The following EHMT1 variants were observed in gnomAD, a reference collection of about 807,000 sequenced individuals.
The protein encoded by EHMT1 is histone-lysine N-methyltransferase EHMT1.
Under a neutral mutation model 147.2 loss-of-function variants are expected in EHMT1, and 15 were observed. The observed-to-expected ratio is 0.10, with a 90% CI of 0.07 to 0.16. EHMT1 has a LOEUF of 0.16. EHMT1 is among the 10% of genes least tolerant of loss of function. The probability of loss-of-function intolerance (pLI) is 1.00; values close to 1 mark genes in which losing one functional copy is unlikely to be tolerated. For missense variants in EHMT1, 1,587 were observed against 1,772.4 expected, an observed-to-expected ratio of 0.90 and a Z score of 1.88; for synonymous variants, 795 against 709.6, an observed-to-expected ratio of 1.12 and a Z score of -1.91.
At chr9:137,754,056 T>G (rs1430218092) in intron 7 of EHMT1, 115 bp from the exon 8 acceptor site, 1 of 1,546,988 alleles carries the variant, frequency 6.5e-7, no homozygotes, top group Non-Finnish European at 8.9e-7. Flanking sequence ...CACCGTTTAA[T>G]TGAAGATCAA....
chr9:137,807,727 C>T (rs531762676), intron 18 of EHMT1, among the ~76,000 whole-genome samples: 26 of 152,188 alleles, frequency 1.7e-4, no homozygotes, highest in African/African-American at 6.0e-4. Context: ...AGGCTGGTCT[C>T]GAACTCCTGA....
chr9:137,652,613 T>TGA, intron 1 of EHMT1, among the ~76,000 whole-genome samples: 1 of 150,724 alleles, frequency 6.6e-6, no homozygotes, highest in East Asian at 2.0e-4. Flanking sequence ...CTTGAACTCC[T>TGA]GACCTCAGGT....
At chr9:137,788,237 G>A in intron 15 of EHMT1, 1 of 506,536 alleles carries the variant, frequency 2.0e-6, no homozygotes, top group Non-Finnish European at 3.4e-6. Flanking sequence ...CCTCCCTGGA[G>A]TCCCCTAGCA....
At chr9:137,781,874 C>T (rs1353881748) in intron 14 of EHMT1, among the ~76,000 whole-genome samples, 1 of 152,222 alleles carries the variant, frequency 6.6e-6, no homozygotes, top group Non-Finnish European at 1.5e-5. Context: ...CCGTTGCTCA[C>T]CGTCCTCTCA....
chr9:137,736,719 C>G (rs1031016872), intron 4 of EHMT1, among the ~76,000 whole-genome samples: 2 of 152,094 alleles, frequency 1.3e-5, no homozygotes, highest in African/African-American at 4.8e-5. Flanking sequence ...GGTGAAACCC[C>G]ATCTCTACTA....
chr9:137,623,337 G>A (rs1019638398), intron 1 of EHMT1, among the ~76,000 whole-genome samples: 2 of 152,134 alleles, frequency 1.3e-5, no homozygotes, highest in Non-Finnish European at 2.9e-5. Flanking sequence ...TCCTGGTGAT[G>A]GAACACACTC....
intron 6 of EHMT1, among the ~76,000 whole-genome samples, chr9:137,744,702 G>A (rs1948402256): frequency 6.6e-6 from 1 of 152,252 alleles, no homozygotes; most frequent in African/African-American, 2.4e-5. Context: ...CTGTGTGCTC[G>A]TTTGTGGTTG....
At chr9:137,640,862 T>G (rs1844434949) in intron 1 of EHMT1, 1 of 152,952 alleles carries the variant, frequency 6.5e-6, no homozygotes, top group Non-Finnish European at 1.5e-5. Flanking sequence ...CCCCCCCAGA[T>G]AAGTTGAGAT....
chr9:137,825,614 C>T (rs1051684057), intron 25 of EHMT1, among the ~76,000 whole-genome samples: 3 of 152,178 alleles, frequency 2.0e-5, no homozygotes, highest in African/African-American at 7.2e-5. Flanking sequence ...CTCAGAAACC[C>T]TGATGCTCTT....
intron 2 of EHMT1, among the ~76,000 whole-genome samples, chr9:137,712,977 G>C (rs1398271513): frequency 6.6e-6 from 1 of 152,128 alleles, no homozygotes; most frequent in Non-Finnish European, 1.5e-5. Flanking sequence ...AGGGGTCCCA[G>C]TTTATTATTT....
At chr9:137,631,366 T>TG (rs1843620011) in intron 1 of EHMT1, among the ~76,000 whole-genome samples, 1 of 151,674 alleles carries the variant, frequency 6.6e-6, no homozygotes, top group South Asian at 2.1e-4. Context: ...GACTCCAGCC[T>TG]GGGTAACAAG....
chr9:137,687,958 A>G (rs1003003926), intron 1 of EHMT1, among the ~76,000 whole-genome samples: 3 of 152,160 alleles, frequency 2.0e-5, no homozygotes, highest in South Asian at 4.1e-4. Context: ...TCTTTCAACT[A>G]TGTTTTGTAG....
At chr9:137,653,115 C>T (rs1938045198) in intron 1 of EHMT1, among the ~76,000 whole-genome samples, 1 of 152,228 alleles carries the variant, frequency 6.6e-6, no homozygotes. Flanking sequence ...ATTCACTACT[C>T]ACTCACCCAG....
At chr9:137,820,738 G>C (rs985840368) in intron 25 of EHMT1, among the ~76,000 whole-genome samples, 3 of 152,230 alleles carry the variant, frequency 2.0e-5, no homozygotes, top group African/African-American at 7.2e-5. Flanking sequence ...CTTTTCCCCA[G>C]TCAGCAGTGT....
intron 8 of EHMT1, among the ~76,000 whole-genome samples, chr9:137,756,996 A>G (rs989158802): frequency 1.2e-4 from 19 of 152,166 alleles, no homozygotes; most frequent in Non-Finnish European, 2.1e-4. Context: ...TTGAAATAAG[A>G]TTGGTGACTA....
rs1265227618 is a variant in EHMT1 at position 137,654,382 on chromosome 9, TC to T, written c.21+35340del. ...ACCCCACCCCCCACCCCTTACCACC[TC>T]CCCCCCACCAAAAAAAAAAGAGAAA... On this transcript the variant is annotated intron_variant, in intron 1 of 26. Coordinates refer to ENST00000460843, the MANE Select transcript of EHMT1 (RefSeq NM_024757.5). Among the ~76,000 whole-genome samples the T allele has an allele frequency of 1.1e-4, 4 of 37,146 alleles. No individual in the cohort carries two copies. In the East Asian group the frequency reaches 2.8e-3, roughly 26 times the overall value. The allele number at this position is 37,146 out of a possible 152,430, so 24.4% of individuals were successfully genotyped here. A position where few individuals can be genotyped will look rare whatever the true frequency, so the allele number is the denominator to read the frequency against.
At chr9:137,822,848 A>G (rs959076457) in intron 25 of EHMT1, among the ~76,000 whole-genome samples, 1 of 150,534 alleles carries the variant, frequency 6.6e-6, no homozygotes, top group African/African-American at 2.5e-5. Context: ...AGCCAAGATC[A>G]TGCCATTGCA....
In EHMT1 at chr9:137,786,260, C is replaced by T. The variant is rs529845322; in HGVS notation, c.2382+3863C>T. ...CTGGAACTTCGGGTTAAATTCCTAG[C>T]CTGATGTTTAATTTGATAACCCGTC... On this transcript the variant is annotated intron_variant, in intron 15 of 26. Transcript: ENST00000460843. The surrounding 1 kb of genome is among the most constrained non-coding windows in gnomAD (Gnocchi z 4.3). 80 of 152,344 alleles carry T rather than the reference C, an allele frequency of 5.3e-4. No homozygotes were observed. The highest frequency in any genetic ancestry group is 1.9e-3 in the African/African-American group (77 of 41,558). The allele number at this position is 152,344 out of a possible 1,614,324, so 9.4% of individuals were successfully genotyped here.
At chr9:137,655,582 A>G (rs923044124) in intron 1 of EHMT1, among the ~76,000 whole-genome samples, 6 of 152,208 alleles carry the variant, frequency 3.9e-5, no homozygotes, top group Admixed American at 6.5e-5. Context: ...GGGGTCCCCA[A>G]ACTCCAGGCT....
Sources: allele counts gnomAD v4.1 joint callset (sites outside exome capture counted in the v4.1 genomes callset), GRCh38; gene constraint gnomAD v4.1.1; non-coding constraint Gnocchi (gnomAD v3.1); transcripts MANE v1.5; gene names NCBI Gene and HGNC (gene_info 2026-07-23, HGNC 2026-07-21).